HS6ST3: variants seen among roughly 807,000 people sequenced by gnomAD.
HS6ST3 encodes the protein heparan-sulfate 6-O-sulfotransferase 3.
In HS6ST3, 12 loss-of-function variants were observed where a neutral mutation model predicts 36.7. That is an observed-to-expected ratio of 0.33 (90% CI 0.21 to 0.53). The LOEUF (loss-of-function observed/expected upper bound fraction) is 0.53, where lower values mean the gene tolerates loss of function less well. Among genes scored for constraint, HS6ST3 ranks in the 20% least tolerant of loss-of-function variants. The pLI, the probability that HS6ST3 is intolerant of heterozygous loss-of-function variation, is 0.95. For synonymous variants in HS6ST3, 240 were observed against 257.5 expected, an observed-to-expected ratio of 0.93 and a Z score of 0.65; for missense variants, 584 against 640.9, an observed-to-expected ratio of 0.91 and a Z score of 0.96.
At chr13:96,752,981 C>A (rs1367704639) in intron 1 of HS6ST3, among the ~76,000 whole-genome samples, 1 of 152,094 alleles carries the variant, frequency 6.6e-6, no homozygotes, top group East Asian at 1.9e-4. Flanking sequence ...TTGTTTCCCC[C>A]ACATATCGCT....
At chr13:96,281,498 G>C (rs1420005421) in intron 1 of HS6ST3, among the ~76,000 whole-genome samples, 1 of 151,646 alleles carries the variant, frequency 6.6e-6, no homozygotes, top group Non-Finnish European at 1.5e-5. Context: ...TAGTAGTACA[G>C]GTAATGCCTC....
chr13:96,450,883 G>A (rs1193199994), intron 1 of HS6ST3, among the ~76,000 whole-genome samples: 2 of 152,144 alleles, frequency 1.3e-5, no homozygotes, highest in Admixed American at 1.3e-4. Flanking sequence ...GCTGGTGTTA[G>A]ACAAACACTT....
At chr13:96,466,557 C>T (rs1248746247) in intron 1 of HS6ST3, among the ~76,000 whole-genome samples, 1 of 152,122 alleles carries the variant, frequency 6.6e-6, no homozygotes, top group African/African-American at 2.4e-5. Flanking sequence ...CCTGTTTCAC[C>T]TGGTATAATG....
chr13:96,607,741 G>T (rs953942388), intron 1 of HS6ST3, among the ~76,000 whole-genome samples: 1 of 152,182 alleles, frequency 6.6e-6, no homozygotes, highest in East Asian at 1.9e-4. Flanking sequence ...ATAATTATGG[G>T]ATAGTCTTGA....
chr13:96,247,977 C>T (rs2054591891), intron 1 of HS6ST3, among the ~76,000 whole-genome samples: 1 of 152,126 alleles, frequency 6.6e-6, no homozygotes, highest in African/African-American at 2.4e-5. Flanking sequence ...ATCCCTTAGA[C>T]ACAGAATTCA....
In HS6ST3 at chr13:96,578,811, G is replaced by A. The variant is rs533514600; in HGVS notation, c.708-253679G>A. Among the ~76,000 whole-genome samples the A allele has an allele frequency of 7.9e-5, 12 of 152,140 alleles. No homozygotes were observed. The South Asian group carries it at 1.2e-3, about 16-fold the overall frequency. On this transcript the variant is annotated intron_variant, in intron 1 of 1. Coordinates refer to ENST00000376705, the MANE Select transcript of HS6ST3 (RefSeq NM_153456.4). Reference sequence around the variant, plus strand: ...CTGACCTCAAGTCATGAGCCACCGGGCCCGGCCAGTAGCCACTGTTTTCAA... The same window carrying A: ...CTGACCTCAAGTCATGAGCCACCGGACCCGGCCAGTAGCCACTGTTTTCAA...
intron 1 of HS6ST3, among the ~76,000 whole-genome samples, chr13:96,750,763 C>T (rs1226153360): frequency 6.6e-6 from 1 of 152,166 alleles, no homozygotes; most frequent in Non-Finnish European, 1.5e-5. Flanking sequence ...ATGTATCAAA[C>T]TGAAATATCA....
chr13:96,546,313 C>CGT (rs745521094), intron 1 of HS6ST3, among the ~76,000 whole-genome samples: 622 of 149,752 alleles, frequency 4.2e-3, no homozygotes, highest in Non-Finnish European at 4.8e-3. Context: ...ATTACAGGGG[C>CGT]GTGTGTGTGT....
chr13:96,580,384 A>G (rs2056337522), intron 1 of HS6ST3, among the ~76,000 whole-genome samples: 1 of 124,688 alleles, frequency 8.0e-6, no homozygotes, highest in Non-Finnish European at 1.7e-5. Flanking sequence ...TACTTTGGTC[A>G]ACACTTTGTT....
chr13:96,424,830 TAAACATAA>T (rs2055578586), intron 1 of HS6ST3, among the ~76,000 whole-genome samples: 1 of 152,158 alleles, frequency 6.6e-6, no homozygotes, highest in African/African-American at 2.4e-5. Flanking sequence ...CATAATAAAA[TAAACATAA>T]TTCATGCTGG....
intron 1 of HS6ST3, among the ~76,000 whole-genome samples, chr13:96,296,630 T>C (rs1045828622): frequency 4.6e-5 from 7 of 152,158 alleles, no homozygotes; most frequent in African/African-American, 1.7e-4. Flanking sequence ...ACTATTTATA[T>C]AGCTGTTAAG....
At chr13:96,790,255 G>T (rs1049476071) in intron 1 of HS6ST3, among the ~76,000 whole-genome samples, 3 of 137,332 alleles carry the variant, frequency 2.2e-5, no homozygotes, top group Non-Finnish European at 3.1e-5. Context: ...CCAATCTGCT[G>T]ATAAAACACA....
intron 1 of HS6ST3, among the ~76,000 whole-genome samples, chr13:96,817,210 C>T (rs1878440775): frequency 6.6e-6 from 1 of 152,150 alleles, no homozygotes; most frequent in African/African-American, 2.4e-5. Flanking sequence ...AGGCAGACAG[C>T]CTTTAAAATC....
chr13:96,751,817 T>C (rs1876708592), intron 1 of HS6ST3, among the ~76,000 whole-genome samples: 1 of 151,432 alleles, frequency 6.6e-6, no homozygotes, highest in South Asian at 2.1e-4. Context: ...TATATATATA[T>C]ACACATATGT....
At chr13:96,250,546 A>G (rs2054603181) in intron 1 of HS6ST3, among the ~76,000 whole-genome samples, 1 of 152,088 alleles carries the variant, frequency 6.6e-6, no homozygotes. Context: ...TGGAAAAGGC[A>G]AGCAAGAATT....
chr13:96,294,936 G>A (rs2054847567), intron 1 of HS6ST3, among the ~76,000 whole-genome samples: 2 of 152,006 alleles, frequency 1.3e-5, no homozygotes. Context: ...TAATAGCATT[G>A]CTATAATTCT....
intron 1 of HS6ST3, among the ~76,000 whole-genome samples, chr13:96,451,746 A>C (rs2055729377): frequency 6.6e-6 from 1 of 152,210 alleles, no homozygotes; most frequent in African/African-American, 2.4e-5. Context: ...CATTATAGAT[A>C]TGGTTCTAGA....
intron 1 of HS6ST3, among the ~76,000 whole-genome samples, chr13:96,753,979 C>A (rs1876764061): frequency 6.6e-6 from 1 of 152,092 alleles, no homozygotes; most frequent in African/African-American, 2.4e-5. Context: ...CTACCACGCC[C>A]AGCTAATTTT....
intron 1 of HS6ST3, among the ~76,000 whole-genome samples, chr13:96,126,550 C>T (rs545603119): frequency 1.3e-5 from 2 of 152,258 alleles, no homozygotes; most frequent in South Asian, 4.1e-4. Context: ...TGCAAAGAGG[C>T]AGGGGCTGGA....
Sources: allele counts gnomAD v4.1 joint callset (sites outside exome capture counted in the v4.1 genomes callset), GRCh38; gene constraint gnomAD v4.1.1; transcripts MANE v1.5; gene names NCBI Gene and HGNC (gene_info 2026-07-23, HGNC 2026-07-21).